The following ACYP2 variants were observed in gnomAD, a reference collection of about 807,000 sequenced individuals.
ACYP2 encodes acylphosphatase 2, also known as acylphosphatase-2.
A neutral mutation model predicts 11.2 loss-of-function variants in ACYP2; 12 were observed. The observed-to-expected ratio is 1.08, with a 90% CI of 0.69 to 1.74. The LOEUF is 1.74. ACYP2 is among the 40% of genes most tolerant of loss of function. The pLI is 0.00. For synonymous variants in ACYP2, 43 were observed against 32.2 expected (o/e 1.33, Z -1.13); for missense variants, 134 against 101.9 (o/e 1.31, Z -1.35).
At chr2:54,047,342 C>T (rs771661308) in intron 2 of ACYP2, among the ~76,000 whole-genome samples, 2 of 152,186 alleles carry the variant, frequency 1.3e-5, no homozygotes, top group Admixed American at 1.3e-4. Flanking sequence ...AAGAGTTGAA[C>T]TCTAACCAAG....
At chr2:54,255,669 T>C (rs757951458) in intron 6 of ACYP2, 3 of 1,613,798 alleles carry the variant, frequency 1.9e-6, no homozygotes, top group Non-Finnish European at 2.5e-6. Context: ...TCTCATCCAC[T>C]GGGGCTGAGA....
intron 6 of ACYP2, among the ~76,000 whole-genome samples, chr2:54,227,295 G>A (rs542632971): frequency 2.6e-5 from 4 of 152,250 alleles, no homozygotes; most frequent in South Asian, 4.2e-4. Context: ...TTAAGAGTTT[G>A]AAGTCAATAA....
chr2:54,135,402 C>A, intron 4 of ACYP2, 51 bp from the exon 2 acceptor site: 1 of 1,570,782 alleles, frequency 6.4e-7, no homozygotes, highest in Non-Finnish European at 8.7e-7. Context: ...AAACATATAA[C>A]CTTTTAAAGG....
intron 6 of ACYP2, among the ~76,000 whole-genome samples, chr2:54,194,855 C>G (rs114596737): frequency 0.011 from 1,727 of 152,216 alleles, 36 homozygotes; most frequent in African/African-American, 0.04. Flanking sequence ...AGTAGGCTGT[C>G]ACTTGACTGT....
chr2:54,080,779 T>A (rs970791484), intron 4 of ACYP2, among the ~76,000 whole-genome samples: 1 of 152,060 alleles, frequency 6.6e-6, no homozygotes, highest in Admixed American at 6.6e-5. Context: ...TGAGCCACCG[T>A]GCCCTGCCTC....
At chr2:54,202,489 C>A (rs1384038074) in intron 6 of ACYP2, among the ~76,000 whole-genome samples, 2 of 147,732 alleles carry the variant, frequency 1.4e-5, no homozygotes, top group African/African-American at 2.5e-5. Context: ...CTCGCTGCAA[C>A]CTCTGCCTCC....
At chr2:54,008,529 C>T (rs1673192325) in intron 2 of ACYP2, among the ~76,000 whole-genome samples, 1 of 152,194 alleles carries the variant, frequency 6.6e-6, no homozygotes, top group Non-Finnish European at 1.5e-5. Flanking sequence ...AATCACTCCA[C>T]TTCTGCTAAG....
intron 2 of ACYP2, among the ~76,000 whole-genome samples, chr2:54,016,416 C>G (rs1486210128): frequency 6.6e-6 from 1 of 150,542 alleles, no homozygotes; most frequent in Admixed American, 6.6e-5. Flanking sequence ...ATTTCTCTGA[C>G]CAAGCAGGAG....
At chr2:54,209,587 C>T (rs779946932) in intron 6 of ACYP2, among the ~76,000 whole-genome samples, 5 of 152,140 alleles carry the variant, frequency 3.3e-5, no homozygotes, top group Non-Finnish European at 5.9e-5. Flanking sequence ...TCCTTCATTT[C>T]GCAAACATTT....
At chr2:54,007,138 C>CAAAAAAAAAAAAAA (rs70944145) in intron 2 of ACYP2, among the ~76,000 whole-genome samples, 6 of 52,200 alleles carry the variant, frequency 1.1e-4, no homozygotes, top group African/African-American at 1.5e-4. Context: ...GACTCTGTGT[C>CAAAAAAAAAAAAAA]AAAAAAAAAA....
chr2:54,202,060 A>G (rs933024996), intron 6 of ACYP2, among the ~76,000 whole-genome samples: 2 of 149,906 alleles, frequency 1.3e-5, no homozygotes, highest in Non-Finnish European at 3.0e-5. Context: ...TAGGTATTCG[A>G]TTCATCTTGA....
chr2:54,166,274 A>G (rs746961907), intron 6 of ACYP2, among the ~76,000 whole-genome samples: 12 of 152,328 alleles, frequency 7.9e-5, no homozygotes, highest in Non-Finnish European at 1.6e-4. Flanking sequence ...GCATTTATTC[A>G]TTCCACAAAT....
chr2:54,270,525 T>C (rs1450001899), intron 6 of ACYP2, among the ~76,000 whole-genome samples: 2 of 152,264 alleles, frequency 1.3e-5, no homozygotes, highest in East Asian at 3.9e-4. Flanking sequence ...GGAAGATCAT[T>C]TGAGCTCAGT....
chr2:54,177,311 G>A (rs1373370004), intron 6 of ACYP2, among the ~76,000 whole-genome samples: 1 of 152,136 alleles, frequency 6.6e-6, no homozygotes, highest in East Asian at 1.9e-4. Context: ...TGTTGGAAGA[G>A]GCATCATTCT....
intron 6 of ACYP2, among the ~76,000 whole-genome samples, chr2:54,149,065 A>T (rs77410214): frequency 0.025 from 3,760 of 152,340 alleles, 160 homozygotes; most frequent in African/African-American, 0.085. Flanking sequence ...AGCCTGGGCA[A>T]CATGATGAAA....
chr2:54,068,036 A>G (rs780225533), intron 4 of ACYP2, among the ~76,000 whole-genome samples: 17 of 152,226 alleles, frequency 1.1e-4, no homozygotes, highest in Non-Finnish European at 1.9e-4. Context: ...GTATTTTGTC[A>G]TGGCAGTCGT....
chr2:54,143,657 C>T (rs1404396304), intron 6 of ACYP2, among the ~76,000 whole-genome samples: 1 of 148,992 alleles, frequency 6.7e-6, no homozygotes, highest in Non-Finnish European at 1.5e-5. Flanking sequence ...TGGCCTCGAA[C>T]TCCTGACCTC....
intron 4 of ACYP2, among the ~76,000 whole-genome samples, chr2:54,134,633 T>C (rs1463321182): frequency 6.6e-6 from 1 of 152,242 alleles, no homozygotes; most frequent in Non-Finnish European, 1.5e-5. Context: ...CTCCAAAAAG[T>C]CTTCCTTTTC....
intron 6 of ACYP2, among the ~76,000 whole-genome samples, chr2:54,233,187 C>T (rs757181335): frequency 2.7e-4 from 41 of 151,732 alleles, no homozygotes; most frequent in Non-Finnish European, 5.3e-4. Context: ...GCTATAATGG[C>T]ATATAATAAA....
Sources: allele counts gnomAD v4.1 joint callset (sites outside exome capture counted in the v4.1 genomes callset), GRCh38; gene constraint gnomAD v4.1.1; transcripts MANE v1.5; gene names NCBI Gene and HGNC (gene_info 2026-07-23, HGNC 2026-07-21).